Variants in TRIO observed in about 807,000 individuals in gnomAD.
TRIO encodes the protein triple functional domain protein.
A neutral mutation model predicts 351.9 loss-of-function variants in TRIO; 58 were observed. The observed-to-expected ratio is 0.16, with a 90% CI of 0.13 to 0.21. The LOEUF is 0.21. TRIO is among the 10% of genes least tolerant of loss of function. The pLI, the probability that TRIO is intolerant of heterozygous loss-of-function variation, is 1.00. For synonymous variants in TRIO, 1,758 were observed against 1,595.7 expected, an observed-to-expected ratio of 1.10 and a Z score of -2.42; for missense variants, 3,201 against 4,027.8, an observed-to-expected ratio of 0.79 and a Z score of 5.56.
At chr5:14,423,904 C>T (rs1200167569) in intron 34 of TRIO, among the ~76,000 whole-genome samples, 1 of 151,564 alleles carries the variant, frequency 6.6e-6, no homozygotes, top group Non-Finnish European at 1.5e-5. Flanking sequence ...ATCTGGAAGG[C>T]CCCTCTCAGA....
intron 33 of TRIO, among the ~76,000 whole-genome samples, chr5:14,411,034 T>C (rs1190884162): frequency 6.6e-6 from 1 of 152,206 alleles, no homozygotes; most frequent in Non-Finnish European, 1.5e-5. Context: ...CAGATTCTTA[T>C]CTCATCTGTC....
chr5:14,317,297 T>C (rs1433085543), intron 9 of TRIO, among the ~76,000 whole-genome samples: 1 of 152,208 alleles, frequency 6.6e-6, no homozygotes, highest in Non-Finnish European at 1.5e-5. Flanking sequence ...TGCTTCCTTA[T>C]TATAGAATAA....
At position 14,388,602 on chromosome 5, in the gene TRIO, C is replaced by G. The variant is rs1191655569; in HGVS notation, c.3882-11C>G. The G allele has an allele frequency of 1.2e-6, 2 of 1,611,676 alleles. No individual in the cohort carries two copies. Among genetic ancestry groups the G allele is most frequent in the Admixed American group, 3.4e-5 (2 of 59,270 alleles). On this transcript the variant is annotated splice_polypyrimidine_tract_variant and intron_variant, in intron 23 of 56. Coordinates refer to ENST00000344204, the MANE Select transcript of TRIO (RefSeq NM_007118.4). ...CCTGACTGTACTCCTCACTGTCTTC[C>G]TCTCTTTAAGGTTCATAATGGCTGA...
chr5:14,331,271 T>C (rs1272184662), intron 10 of TRIO, among the ~76,000 whole-genome samples: 2 of 152,234 alleles, frequency 1.3e-5, no homozygotes, highest in East Asian at 3.8e-4. Flanking sequence ...TTTCTTTAAA[T>C]GTGTGGGCTT....
intron 1 of TRIO, among the ~76,000 whole-genome samples, chr5:14,171,227 A>G (rs1311747551): frequency 6.6e-6 from 1 of 152,342 alleles, no homozygotes; most frequent in East Asian, 1.9e-4. Context: ...TGTACACGCA[A>G]TGAGTTATTA....
intron 42 of TRIO, among the ~76,000 whole-genome samples, 182 bp downstream of exon 42, chr5:14,479,532 G>T (rs967549965): frequency 1.3e-5 from 2 of 152,094 alleles, no homozygotes; most frequent in African/African-American, 4.8e-5. Context: ...AATTTAGTCT[G>T]TGGTCATACC....
chr5:14,234,602 G>T (rs970891588), intron 1 of TRIO, among the ~76,000 whole-genome samples: 2 of 152,146 alleles, frequency 1.3e-5, no homozygotes, highest in Non-Finnish European at 1.5e-5. Context: ...TTCATATTTG[G>T]TGTAGTAAAG....
At position 14,382,183 on chromosome 5, in the gene TRIO, A is replaced by G. The variant is rs532832762; in HGVS notation, c.3570+931A>G. On this transcript the variant is annotated intron_variant, in intron 21 of 56. Coordinates refer to ENST00000344204, the MANE Select transcript of TRIO (RefSeq NM_007118.4). Reference sequence around the variant, plus strand: ...AGTGGGATAATATTTTTGGTTAAAAAGAAGTGTTTCTATAAAGTAGCAAGA... The same window carrying G: ...AGTGGGATAATATTTTTGGTTAAAAGGAAGTGTTTCTATAAAGTAGCAAGA... 3.2e-4 allele frequency among the ~76,000 whole-genome samples: 48 copies of G among 152,362 alleles called. 1 individual carries two copies. The South Asian group carries it at 6.6e-3, about 21-fold the overall frequency.
In TRIO at chr5:14,359,366, C is replaced by T; in HGVS notation, c.2226C>T (p.Ala742=). The T allele has an allele frequency of 1.9e-6, 3 of 1,612,856 alleles. No individual in the cohort carries two copies. Among genetic ancestry groups the T allele is most frequent in the Non-Finnish European group, 2.5e-6 (3 of 1,178,876 alleles). Residue 742 remains alanine, a synonymous_variant, in exon 13 of 57, where the codon GCC becomes GCT. Transcript: ENST00000344204. ...CTGTGTGCTCTCGCAGGGACTCTGC[C>T]ATCTCCAGTAACAAGACCCCCCACA... ...EDLIQQLRDS[A]ISSNKTPHNS... is the part of the protein sequence containing the mutation.
intron 1 of TRIO, among the ~76,000 whole-genome samples, chr5:14,247,386 T>C (rs374119081): frequency 1.3e-5 from 2 of 152,376 alleles, no homozygotes; most frequent in East Asian, 1.9e-4. Flanking sequence ...TGTAGAAATA[T>C]ACTTTTAAAT....
intron 1 of TRIO, among the ~76,000 whole-genome samples, chr5:14,169,093 T>G (rs1384290888): frequency 6.6e-6 from 1 of 152,212 alleles, no homozygotes; most frequent in African/African-American, 2.4e-5. Context: ...ATGGTTTAGG[T>G]TTCTCGTTCT....
At position 14,508,332 on chromosome 5, in the gene TRIO, CTTCA is replaced by C. The variant is rs773340810; in HGVS notation, c.9207_9210del (p.Phe3069LeufsTer58). ...TCCTCGACACGTCCAGACTGACTTC[CTTCA>C]TTGAGCGGCGCAAACACCAGAATGA... On this transcript the variant is annotated frameshift_variant, in exon 57 of 57. Coordinates refer to ENST00000344204, the MANE Select transcript of TRIO (RefSeq NM_007118.4). LOFTEE classifies it high-confidence loss of function. The C allele has an allele frequency of 1.9e-6, 3 of 1,614,082 alleles. No individual in the cohort carries two copies. Among genetic ancestry groups the C allele is most frequent in the Non-Finnish European group, 2.5e-6 (3 of 1,180,048 alleles).
At chr5:14,444,190 G>A (rs975835866) in intron 34 of TRIO, among the ~76,000 whole-genome samples, 1 of 151,328 alleles carries the variant, frequency 6.6e-6, no homozygotes, top group African/African-American at 2.4e-5. Context: ...ATAGGATAAA[G>A]AAATTTCTTT....
At chr5:14,302,649 T>C (rs1738001148) in intron 7 of TRIO, among the ~76,000 whole-genome samples, 1 of 152,248 alleles carries the variant, frequency 6.6e-6, no homozygotes, top group Admixed American at 6.5e-5. Flanking sequence ...TAAACAGTTA[T>C]TATTTGGGTG....
Position 14,387,776 on chromosome 5 carries a change from C to T in TRIO, c.3810C>T (p.Gly1270=), listed in dbSNP as rs1310720757. ...ATATCATTCCAGCCAGTATCCCTGGCTCAGAGGTGAAACTTCGAGATGCTG... is the reference window on the plus strand; with the variant it reads ...ATATCATTCCAGCCAGTATCCCTGGTTCAGAGGTGAAACTTCGAGATGCTG... ...QLDIIPASIP[G]SEVKLRDAAH... Residue 1270 remains glycine (G), a synonymous_variant, in exon 23 of 57, where the codon GGC becomes GGT. Transcript: ENST00000344204. The T allele has an allele frequency of 1.2e-6, 2 of 1,614,220 alleles. No individual in the cohort carries two copies. The highest frequency in any genetic ancestry group is 2.2e-5 in the South Asian group (2 of 91,082).
At chr5:14,438,572 G>A (rs982827100) in intron 34 of TRIO, among the ~76,000 whole-genome samples, 5 of 152,096 alleles carry the variant, frequency 3.3e-5, no homozygotes, top group Non-Finnish European at 5.9e-5. Context: ...TTCTTCCCAC[G>A]GTCTGTTGAG....
intron 18 of TRIO, among the ~76,000 whole-genome samples, chr5:14,372,050 C>T (rs1314924169): frequency 1.3e-5 from 2 of 152,142 alleles, no homozygotes; most frequent in Non-Finnish European, 2.9e-5. Context: ...AATACTCCCT[C>T]CTTTCATTAC....
chr5:14,177,389 C>T (rs1789472476), intron 1 of TRIO, among the ~76,000 whole-genome samples: 1 of 152,146 alleles, frequency 6.6e-6, no homozygotes, highest in South Asian at 2.1e-4. Context: ...GTGACATGCA[C>T]TTCTGGCACT....
At chr5:14,389,144 G>A (rs1414053984) in intron 24 of TRIO, 145 bp from the exon 25 acceptor site, 2 of 588,116 alleles carry the variant, frequency 3.4e-6, no homozygotes, top group Non-Finnish European at 5.6e-6. Context: ...TTTTAGAAGG[G>A]TTTTTTATGT....
Sources: allele counts gnomAD v4.1 joint callset (sites outside exome capture counted in the v4.1 genomes callset), GRCh38; gene constraint gnomAD v4.1.1; transcripts MANE v1.5; gene names NCBI Gene and HGNC (gene_info 2026-07-23, HGNC 2026-07-21).